Variants in MACROD2 observed in about 807,000 individuals in gnomAD.
MACROD2 encodes mono-ADP ribosylhydrolase 2, also known as ADP-ribose glycohydrolase MACROD2.
In MACROD2, 36 loss-of-function variants were observed where a neutral mutation model predicts 70.4. That is an observed-to-expected ratio of 0.51 (90% CI 0.39 to 0.68). The LOEUF (loss-of-function observed/expected upper bound fraction) is 0.68. Ranked by LOEUF, MACROD2 falls within the 30% of genes least tolerant of loss-of-function variation. The pLI, the probability that MACROD2 is intolerant of heterozygous loss-of-function variation, is 0.00. For synonymous variants in MACROD2, 172 were observed against 178.8 expected (o/e 0.96, Z 0.30); for missense variants, 496 against 538.4 (o/e 0.92, Z 0.78).
At chr20:14,613,378 C>T (rs903465980) in intron 4 of MACROD2, among the ~76,000 whole-genome samples, 1 of 151,918 alleles carries the variant, frequency 6.6e-6, no homozygotes, top group Non-Finnish European at 1.5e-5. Context: ...TTACGGTGGG[C>T]TGGAAGGTGT....
At chr20:14,747,978 G>A (rs1473706085) in intron 5 of MACROD2, among the ~76,000 whole-genome samples, 1 of 152,040 alleles carries the variant, frequency 6.6e-6, no homozygotes, top group Non-Finnish European at 1.5e-5. Flanking sequence ...AGGAAAGGAT[G>A]CAGTTCTCAA....
intron 6 of MACROD2, among the ~76,000 whole-genome samples, chr20:15,419,676 A>G (rs527637703): frequency 6.6e-6 from 1 of 152,286 alleles, no homozygotes; most frequent in South Asian, 2.1e-4. Context: ...GGGGATTTGA[A>G]AAGATTGCCT....
At chr20:15,191,184 G>GT (rs1458885923) in intron 5 of MACROD2, among the ~76,000 whole-genome samples, 3 of 152,180 alleles carry the variant, frequency 2.0e-5, no homozygotes, top group Non-Finnish European at 2.9e-5. Context: ...GGGCAACTAT[G>GT]TAGAATGTAC....
intron 5 of MACROD2, among the ~76,000 whole-genome samples, chr20:15,187,669 A>G (rs2076542815): frequency 6.6e-6 from 1 of 152,234 alleles, no homozygotes; most frequent in Non-Finnish European, 1.5e-5. Context: ...AAGGAACATC[A>G]AAAACTAGGA....
chr20:14,546,707 T>G (rs2085494710), intron 4 of MACROD2, among the ~76,000 whole-genome samples: 1 of 152,158 alleles, frequency 6.6e-6, no homozygotes, highest in Admixed American at 6.5e-5. Context: ...ACTCCTTCAG[T>G]TAGCCTACAC....
At chr20:15,418,340 C>T (rs1012153388) in intron 6 of MACROD2, among the ~76,000 whole-genome samples, 6 of 152,160 alleles carry the variant, frequency 3.9e-5, no homozygotes, top group African/African-American at 1.4e-4. Flanking sequence ...TGTGTATTCT[C>T]TCTCCCTCCT....
chr20:14,283,181 C>T (rs2082319592), intron 3 of MACROD2, among the ~76,000 whole-genome samples: 1 of 152,182 alleles, frequency 6.6e-6, no homozygotes, highest in Admixed American at 6.5e-5. Flanking sequence ...TATTTTTATA[C>T]TATTGCAACT....
chr20:14,956,302 A>T (rs866540199), intron 5 of MACROD2, among the ~76,000 whole-genome samples: 1 of 151,904 alleles, frequency 6.6e-6, no homozygotes, highest in Middle Eastern at 3.2e-3. Context: ...TGCTTCTGAC[A>T]AATGGAAACC....
At chr20:14,843,882 G>T (rs577459695) in intron 5 of MACROD2, among the ~76,000 whole-genome samples, 1 of 151,804 alleles carries the variant, frequency 6.6e-6, no homozygotes, top group Non-Finnish European at 1.5e-5. Flanking sequence ...TTAACTTATG[G>T]CCCTATGTTC....
At chr20:15,791,121 C>G (rs6110787) in intron 8 of MACROD2, among the ~76,000 whole-genome samples, 1 of 151,828 alleles carries the variant, frequency 6.6e-6, no homozygotes, top group Admixed American at 6.6e-5. Context: ...TGTCACCTTC[C>G]TTTTGATTTC....
intron 3 of MACROD2, among the ~76,000 whole-genome samples, chr20:14,097,631 C>T (rs1360781047): frequency 6.6e-6 from 1 of 152,118 alleles, no homozygotes; most frequent in Non-Finnish European, 1.5e-5. Flanking sequence ...AATTATTTAA[C>T]CTTTCTGAAC....
At chr20:15,592,427 TTAG>T (rs2048692507) in intron 8 of MACROD2, among the ~76,000 whole-genome samples, 1 of 152,230 alleles carries the variant, frequency 6.6e-6, no homozygotes, top group Non-Finnish European at 1.5e-5. Flanking sequence ...GGTTTGCCCC[TTAG>T]TCTGAAATTA....
intron 8 of MACROD2, among the ~76,000 whole-genome samples, chr20:15,708,258 A>G (rs2050567000): frequency 6.6e-6 from 1 of 152,148 alleles, no homozygotes; most frequent in South Asian, 2.1e-4. Context: ...CACAGACAAT[A>G]AATAATACCC....
chr20:15,882,182 C>T (rs372616947), intron 9 of MACROD2, among the ~76,000 whole-genome samples: 1 of 152,052 alleles, frequency 6.6e-6, no homozygotes, highest in Non-Finnish European at 1.5e-5. Flanking sequence ...AAAAATCATA[C>T]AAAATTATTT....
chr20:15,309,390 A>C (rs1368481048), intron 6 of MACROD2, among the ~76,000 whole-genome samples: 1 of 152,164 alleles, frequency 6.6e-6, no homozygotes, highest in African/African-American at 2.4e-5. Flanking sequence ...TAGGGAGGGC[A>C]CTGATAGCTG....
chr20:15,392,187 A>G (rs1238887844), intron 6 of MACROD2, among the ~76,000 whole-genome samples: 2 of 152,208 alleles, frequency 1.3e-5, no homozygotes, highest in East Asian at 3.9e-4. Context: ...AGATTCTGAC[A>G]GTTAGAGGAA....
chr20:15,859,760 T>C (rs1037789024), intron 8 of MACROD2, among the ~76,000 whole-genome samples: 8 of 26,694 alleles, frequency 3.0e-4, no homozygotes, highest in East Asian at 2.5e-3. Flanking sequence ...ATCCCCGCGC[T>C]TTTTTTTTTT....
rs539485346 is a variant in MACROD2 at position 14,097,744 on chromosome 20, A to G, written c.271+12016A>G. On this transcript the variant is annotated intron_variant, in intron 3 of 17. Coordinates refer to ENST00000684519, the MANE Select transcript of MACROD2 (RefSeq NM_001351661.2). ...TTTTTTTGGGTTTTGGAATATTTAC[A>G]TATACATAATGAGAAATCTTGGGGA... 5.8e-4 allele frequency among the ~76,000 whole-genome samples: 89 copies of G among 152,336 alleles called. No homozygotes were observed. In the South Asian group the frequency reaches 7.5e-3, roughly 13 times the overall value.
At chr20:14,957,042 C>G (rs530866191) in intron 5 of MACROD2, among the ~76,000 whole-genome samples, 6 of 152,204 alleles carry the variant, frequency 3.9e-5, no homozygotes, top group Admixed American at 1.3e-4. Flanking sequence ...AGCAATAATA[C>G]TCATAAATTC....
Sources: gnomAD v4.1 joint callset for allele counts (sites outside exome capture counted in the v4.1 genomes callset) on GRCh38, gnomAD v4.1.1 for gene constraint, MANE v1.5 for transcripts, NCBI Gene and HGNC (gene_info 2026-07-23, HGNC 2026-07-21) for gene names.